FAM53A: variants seen among roughly 807,000 people sequenced by gnomAD.
FAM53A encodes the protein protein FAM53A.
In FAM53A, 28 loss-of-function variants were observed where a neutral mutation model predicts 26.6. That is an observed-to-expected ratio of 1.05 (90% CI 0.78 to 1.45). The LOEUF (loss-of-function observed/expected upper bound fraction) is 1.45, where lower values mean the gene tolerates loss of function less well. Among genes scored for constraint, FAM53A ranks in the 40% most tolerant of loss-of-function variants. The pLI, the probability that FAM53A is intolerant of heterozygous loss-of-function variation, is 0.00. For missense variants in FAM53A, 650 were observed against 575.8 expected (o/e 1.13, Z -1.32); for synonymous variants, 290 against 253.1 (o/e 1.15, Z -1.38).
intron 4 of FAM53A, among the ~76,000 whole-genome samples, chr4:1,652,167 CCA>C (rs754837120): frequency 7.1e-4 from 88 of 123,876 alleles, no homozygotes; most frequent in Non-Finnish European, 1.3e-3. Flanking sequence ...CACACACACC[CCA>C]CACGCCACAC....
At chr4:1,668,644 T>TG (rs1198538415) in intron 2 of FAM53A, 23 bp downstream of exon 2, 5 of 1,613,152 alleles carry the variant, frequency 3.1e-6, no homozygotes, top group Non-Finnish European at 4.2e-6. Flanking sequence ...GCACCCAGCC[T>TG]GGTGCCACCT....
chr4:1,604,194 TC>T, the FAM53A span, among the ~76,000 whole-genome samples: 10 of 152,124 alleles, frequency 6.6e-5, no homozygotes, highest in Non-Finnish European at 2.9e-5. Flanking sequence ...CCCAGGATGG[TC>T]CCAGGCTGTG....
the FAM53A span, among the ~76,000 whole-genome samples, chr4:1,581,883 C>A: frequency 3.3e-5 from 5 of 151,728 alleles, no homozygotes; most frequent in South Asian, 4.2e-4. Flanking sequence ...GCTTGAGCCA[C>A]CATGCCCAGC....
At chr4:1,675,399 AC>A (rs1714974390) in intron 1 of FAM53A, among the ~76,000 whole-genome samples, 1 of 152,180 alleles carries the variant, frequency 6.6e-6, no homozygotes, top group South Asian at 2.1e-4. Flanking sequence ...TCCCAAGCCC[AC>A]GAGCACTGCC....
chr4:1,628,936 A>AT, intron 1 of FAM53A, among the ~76,000 whole-genome samples: 1 of 151,912 alleles, frequency 6.6e-6, no homozygotes, highest in Admixed American at 6.5e-5. Context: ...GCCTTGGAAC[A>AT]CCTGAGTTTG....
At chr4:1,637,087 C>T (rs1715877503), downstream of FAM53A, among the ~76,000 whole-genome samples, 1 of 151,840 alleles carries the variant, frequency 6.6e-6, no homozygotes, top group African/African-American at 2.4e-5. Flanking sequence ...GGGCCACAAC[C>T]GTCTGGGGCT....
At chr4:1,623,688 G>A (rs559418393) in intron 1 of FAM53A, among the ~76,000 whole-genome samples, 48 of 152,370 alleles carry the variant, frequency 3.2e-4, no homozygotes, top group African/African-American at 8.2e-4. Flanking sequence ...CGGGAGCCGC[G>A]CGATGCCAGC....
chr4:1,654,268 G>A (rs536087544), intron 4 of FAM53A, among the ~76,000 whole-genome samples: 3 of 152,266 alleles, frequency 2.0e-5, no homozygotes, highest in East Asian at 1.9e-4. Flanking sequence ...CTCCCTCCCC[G>A]AGCGCTGCCG....
Position 1,640,173 on chromosome 4 carries a change from A to C in FAM53A, c.*1120T>G, listed in dbSNP as rs1711547116. 3 of 161,884 alleles carry C rather than the reference A, an allele frequency of 1.9e-5. No homozygotes were observed. In the Admixed American group the frequency reaches 2.0e-4, roughly 11 times the overall value. 10.0% of individuals were successfully genotyped at this position (161,884 alleles called of 1,614,324 possible). A position where few individuals can be genotyped will look rare whatever the true frequency, so the allele number is the denominator to read the frequency against. ...CACCTGAAGGTGCAAGGGCCCTCCC[A>C]GGCCACGGGAAGCAGGGACTCATGG... On this transcript the variant is annotated 3_prime_UTR_variant, in exon 5 of 5. Coordinates refer to ENST00000308132, the MANE Select transcript of FAM53A (RefSeq NM_001174070.3).
At chr4:1,622,506 C>A (rs1286993746) in intron 1 of FAM53A, among the ~76,000 whole-genome samples, 6 of 152,258 alleles carry the variant, frequency 3.9e-5, no homozygotes, top group African/African-American at 1.4e-4. Flanking sequence ...CGCTGAGGGG[C>A]CGCCCCACCA....
At chr4:1,671,622 CCGGA>C (rs1034141615) in intron 1 of FAM53A, among the ~76,000 whole-genome samples, 2 of 152,102 alleles carry the variant, frequency 1.3e-5, no homozygotes, top group African/African-American at 4.8e-5. Flanking sequence ...CAGCCACGGC[CCGGA>C]CTCACCTCTC....
chr4:1,580,660 C>T, the FAM53A span, among the ~76,000 whole-genome samples: 1 of 148,478 alleles, frequency 6.7e-6, no homozygotes, highest in Non-Finnish European at 1.5e-5. Flanking sequence ...CGCCTCCCGC[C>T]CAGGCCACGC....
At chr4:1,586,048 A>G in the FAM53A span, among the ~76,000 whole-genome samples, 4 of 152,162 alleles carry the variant, frequency 2.6e-5, no homozygotes, top group East Asian at 7.7e-4. Context: ...CCTTCTTTTT[A>G]AAGGCTGAGT....
downstream of FAM53A, among the ~76,000 whole-genome samples, chr4:1,635,526 T>C (rs75528567): frequency 0.014 from 2,197 of 152,260 alleles, 65 homozygotes; most frequent in African/African-American, 0.049. Flanking sequence ...CTCCCCGCTG[T>C]TGGCCTTCCA....
chr4:1,644,470 G>A (rs969967760), intron 4 of FAM53A: 250 of 1,200,322 alleles, frequency 2.1e-4, no homozygotes, highest in Non-Finnish European at 2.7e-4. Flanking sequence ...AAGGCCACAC[G>A]GAACTGAAGG....
chr4:1,674,164 G>A (rs1349453908), intron 1 of FAM53A, among the ~76,000 whole-genome samples: 1 of 152,166 alleles, frequency 6.6e-6, no homozygotes, highest in East Asian at 1.9e-4. Flanking sequence ...GGGGGAACCT[G>A]TTCCAGGACT....
At chr4:1,574,602 C>A in the FAM53A span, 3 of 152,426 alleles carry the variant, frequency 2.0e-5, no homozygotes, top group South Asian at 2.1e-4. Flanking sequence ...GGTGCCCCCA[C>A]GCCTCTCTTC....
intron 4 of FAM53A, among the ~76,000 whole-genome samples, chr4:1,650,913 G>A (rs1364107924): frequency 2.0e-5 from 3 of 151,784 alleles, no homozygotes; most frequent in Non-Finnish European, 2.9e-5. Flanking sequence ...GAATTCACTC[G>A]GGCATTGATA....
downstream of FAM53A, among the ~76,000 whole-genome samples, chr4:1,637,631 C>T (rs1229552391): frequency 6.8e-5 from 10 of 147,774 alleles, no homozygotes; most frequent in Non-Finnish European, 1.5e-4. Flanking sequence ...GGGGGCAGCC[C>T]GGCAGGGGTG....
Sources: gnomAD v4.1 joint callset for allele counts (sites outside exome capture counted in the v4.1 genomes callset) on GRCh38, gnomAD v4.1.1 for gene constraint, MANE v1.5 for transcripts, NCBI Gene and HGNC (gene_info 2026-07-23, HGNC 2026-07-21) for gene names.